NUMB: variants seen among roughly 807,000 people sequenced by gnomAD.
NUMB encodes the protein NUMB endocytic adaptor protein.
In NUMB, 29 loss-of-function variants were observed where a neutral mutation model predicts 59.7. The ratio of observed to expected loss-of-function variants is 0.49; its 90% CI spans 0.36 to 0.66. The LOEUF is 0.66. Ranked by LOEUF, NUMB falls within the 30% of genes least tolerant of loss-of-function variation. The pLI is 0.00. For missense variants in NUMB, 723 were observed against 822.0 expected, an observed-to-expected ratio of 0.88 and a Z score of 1.47; for synonymous variants, 288 against 288.2, an observed-to-expected ratio of 1.00 and a Z score of 0.01.
At chr14:73,409,159 T>C (rs928322239) in intron 2 of NUMB, 1 of 152,248 alleles carries the variant, frequency 6.6e-6, no homozygotes, top group Non-Finnish European at 1.5e-5. Flanking sequence ...TACAATATGA[T>C]GTTGATCCTT....
chr14:73,359,348 GTAA>G (rs1047443951), intron 3 of NUMB, among the ~76,000 whole-genome samples: 8 of 151,978 alleles, frequency 5.3e-5, no homozygotes, highest in Admixed American at 2.6e-4. Flanking sequence ...CCTCAAAACA[GTAA>G]TAATAATAAC....
intron 8 of NUMB, 123 bp downstream of exon 8, chr14:73,292,611 G>T (rs565048840): frequency 6.0e-6 from 5 of 837,050 alleles, no homozygotes. Flanking sequence ...CTGAAAGTAG[G>T]CTAGTTTAGG....
At chr14:73,359,273 G>A (rs1035913186) in intron 3 of NUMB, among the ~76,000 whole-genome samples, 3 of 152,154 alleles carry the variant, frequency 2.0e-5, no homozygotes, top group Non-Finnish European at 4.4e-5. Context: ...TTGAACCCAG[G>A]AGGCAGAGGC....
intron 4 of NUMB, among the ~76,000 whole-genome samples, chr14:73,338,885 C>A (rs1334560789): frequency 6.6e-6 from 1 of 152,214 alleles, no homozygotes; most frequent in Non-Finnish European, 1.5e-5. Context: ...TACATATAAA[C>A]ACACAGTATT....
At chr14:73,395,035 G>GTT (rs201179675) in intron 2 of NUMB, among the ~76,000 whole-genome samples, 1 of 100,084 alleles carries the variant, frequency 1.0e-5, no homozygotes, top group Admixed American at 1.1e-4. Context: ...GTATTCGTGT[G>GTT]TTTGTGTGTG....
chr14:73,454,925 TCAA>T (rs1288898940), intron 1 of NUMB, among the ~76,000 whole-genome samples: 3 of 152,178 alleles, frequency 2.0e-5, no homozygotes, highest in Non-Finnish European at 2.9e-5. Context: ...TACCATGACT[TCAA>T]CAACAACTCT....
At chr14:73,348,573 C>T (rs1893032434) in intron 4 of NUMB, among the ~76,000 whole-genome samples, 2 of 152,226 alleles carry the variant, frequency 1.3e-5, no homozygotes, top group East Asian at 3.8e-4. Context: ...TTGTGAACTA[C>T]CCACGTGAGG....
intron 8 of NUMB, among the ~76,000 whole-genome samples, chr14:73,292,278 G>A (rs1439771469): frequency 6.6e-6 from 1 of 152,036 alleles, no homozygotes; most frequent in Non-Finnish European, 1.5e-5. Flanking sequence ...TCCAACTTGT[G>A]GTCTCAAGTG....
chr14:73,353,012 C>A (rs539293252), intron 4 of NUMB, among the ~76,000 whole-genome samples: 1 of 146,588 alleles, frequency 6.8e-6, no homozygotes, highest in South Asian at 2.2e-4. Context: ...TACAGATCTA[C>A]CTTACTTTAA....
At chr14:73,414,742 C>T (rs4491438) in intron 1 of NUMB, among the ~76,000 whole-genome samples, 23,762 of 151,984 alleles carry the variant, frequency 0.16, 2,684 homozygotes, top group Non-Finnish European at 0.23. Flanking sequence ...GGTTTTGAGA[C>T]TGAGTCTCGC....
intron 1 of NUMB, among the ~76,000 whole-genome samples, chr14:73,431,334 C>A (rs1897820230): frequency 6.6e-6 from 1 of 151,198 alleles, no homozygotes; most frequent in Admixed American, 6.6e-5. Flanking sequence ...CGGCTCACTG[C>A]AACCTCTGCC....
At chr14:73,353,817 G>A (rs1292552582) in intron 4 of NUMB, among the ~76,000 whole-genome samples, 3 of 151,710 alleles carry the variant, frequency 2.0e-5, no homozygotes. Flanking sequence ...TTCTACATAC[G>A]TAATACTCAA....
chr14:73,305,656 T>C (rs1013221956), intron 6 of NUMB, among the ~76,000 whole-genome samples: 9 of 152,192 alleles, frequency 5.9e-5, no homozygotes, highest in African/African-American at 2.2e-4. Flanking sequence ...TTGCATAGCT[T>C]TGAAATATTA....
chr14:73,444,513 T>A (rs1797519340), intron 1 of NUMB, among the ~76,000 whole-genome samples: 1 of 152,042 alleles, frequency 6.6e-6, no homozygotes, highest in East Asian at 1.9e-4. Flanking sequence ...TACCCTGAAT[T>A]GAGGCAAGCC....
At chr14:73,358,916 T>C (rs1487874239) in intron 3 of NUMB, among the ~76,000 whole-genome samples, 1 of 152,172 alleles carries the variant, frequency 6.6e-6, no homozygotes, top group East Asian at 1.9e-4. Flanking sequence ...GAACCATCGA[T>C]GCTGGAAGAG....
intron 8 of NUMB, 149 bp from the exon 9 acceptor site, chr14:73,287,463 C>T: frequency 1.5e-6 from 1 of 672,400 alleles, no homozygotes; most frequent in Non-Finnish European, 2.5e-6. Context: ...ACTGCAACCT[C>T]TGCCTCCGGG....
At position 73,276,874 on chromosome 14, in the gene NUMB, G is replaced by A. The variant is rs546927890; in HGVS notation, c.1660C>T (p.Pro554Ser). ...HPQAAHPHQS[P>S]SLVRQQTFPH... ...AATGTCTGCTGCCTGACCAGGCTGG[G>A]TGACTGATGGGGATGGGCAGCCTGA... The change falls in exon 13 of 13, where the codon CCC (proline) becomes TCC (serine). Residue 554 changes from proline to serine, a missense_variant. Pro to Ser is a moderately conservative substitution (Grantham distance 74, BLOSUM62 -1). Coordinates refer to ENST00000555238, the MANE Select transcript of NUMB (RefSeq NM_001005743.2). 2.0e-5 allele frequency: 32 copies of A among 1,614,048 alleles called. No individual in the cohort carries two copies. The highest frequency in any genetic ancestry group is 1.8e-4 in the Admixed American group (11 of 60,014).
At chr14:73,384,072 T>C (rs1452011945) in intron 2 of NUMB, among the ~76,000 whole-genome samples, 2 of 151,738 alleles carry the variant, frequency 1.3e-5, no homozygotes, top group African/African-American at 2.4e-5. Context: ...TAAAATGATA[T>C]ATTTAAAATG....
intron 9 of NUMB, chr14:73,284,809 A>C (rs201634544): frequency 6.5e-6 from 1 of 152,982 alleles, no homozygotes; most frequent in Non-Finnish European, 1.5e-5. Context: ...TTAGGTGTCA[A>C]AGAATGTCAT....
Sources: gnomAD v4.1 joint callset for allele counts (sites outside exome capture counted in the v4.1 genomes callset) on GRCh38, gnomAD v4.1.1 for gene constraint, MANE v1.5 for transcripts, NCBI Gene and HGNC (gene_info 2026-07-23, HGNC 2026-07-21) for gene names.